DPH6: variants seen among roughly 807,000 people sequenced by gnomAD.
DPH6 encodes diphthamine biosynthesis 6, also known as diphthine--ammonia ligase.
In DPH6, 33 loss-of-function variants were observed where a neutral mutation model predicts 38.2. That is an observed-to-expected ratio of 0.86 (90% CI 0.65 to 1.15). DPH6 has a LOEUF of 1.15. Among genes scored for constraint, DPH6 ranks in the 50% most tolerant of loss-of-function variants. The probability of loss-of-function intolerance (pLI) is 0.00; values close to 1 mark genes in which losing one functional copy is unlikely to be tolerated. For synonymous variants in DPH6, 108 were observed against 103.0 expected (o/e 1.05, Z -0.30); for missense variants, 325 against 320.0 (o/e 1.02, Z -0.12).
intron 3 of DPH6, among the ~76,000 whole-genome samples, chr15:35,304,294 T>C (rs1595468889): frequency 6.6e-6 from 1 of 152,132 alleles, no homozygotes; most frequent in East Asian, 1.9e-4. Flanking sequence ...AAGCCCAAGT[T>C]CCTTTCCAAT....
At chr15:35,182,815 A>G in the DPH6 span, among the ~76,000 whole-genome samples, 5 of 152,198 alleles carry the variant, frequency 3.3e-5, no homozygotes, top group Non-Finnish European at 5.9e-5. Context: ...CTTGGCTATA[A>G]TAATATAATG....
intron 3 of DPH6, among the ~76,000 whole-genome samples, chr15:35,479,755 A>G (rs1219562315): frequency 6.6e-6 from 1 of 151,784 alleles, no homozygotes; most frequent in East Asian, 1.9e-4. Flanking sequence ...TGATCACTAC[A>G]CTCTCTCTCT....
chr15:35,289,067 T>A (rs1002865394), intron 3 of DPH6, among the ~76,000 whole-genome samples: 3 of 152,208 alleles, frequency 2.0e-5, no homozygotes, highest in Admixed American at 2.0e-4. Context: ...TTTCTACTTA[T>A]TTTAAATGAA....
intron 3 of DPH6, among the ~76,000 whole-genome samples, chr15:35,305,789 T>C: frequency 6.6e-6 from 1 of 152,188 alleles, no homozygotes; most frequent in East Asian, 1.9e-4. Flanking sequence ...ATAATTACAT[T>C]AAAGTAGTAA....
chr15:35,210,101 G>T, the DPH6 span, among the ~76,000 whole-genome samples: 1 of 151,902 alleles, frequency 6.6e-6, no homozygotes, highest in Non-Finnish European at 1.5e-5. Context: ...GCTTTTGTTT[G>T]TATTCCACCA....
chr15:35,213,929 G>C (rs532278994), downstream of DPH6, among the ~76,000 whole-genome samples: 3 of 152,154 alleles, frequency 2.0e-5, no homozygotes, highest in Non-Finnish European at 4.4e-5. Flanking sequence ...TGGCTAACAC[G>C]GTGAAACCCC....
chr15:35,526,574 A>G (rs1280187414), intron 3 of DPH6, among the ~76,000 whole-genome samples: 1 of 152,148 alleles, frequency 6.6e-6, no homozygotes, highest in Non-Finnish European at 1.5e-5. Flanking sequence ...CAGGAGCACA[A>G]ATGATGGCCC....
Position 35,410,701 on chromosome 15 carries a change from A to AT in DPH6, c.567+133dup, listed in dbSNP as rs2053354666. On this transcript the variant is annotated intron_variant, in intron 6 of 8. Transcript: ENST00000256538. ...CATTTTCATTTCCATTTGAAGTTTA[A>AT]TTTTTTCATAAATATATTATGAATG... The AT allele has an allele frequency of 7.2e-6, 5 of 691,180 alleles. No individual in the cohort carries two copies. In the South Asian group the frequency reaches 7.3e-5, roughly 10 times the overall value. The allele number at this position is 691,180 out of a possible 1,614,324, so 42.8% of individuals were successfully genotyped here. A position where few individuals can be genotyped will look rare whatever the true frequency, so the allele number is the denominator to read the frequency against.
chr15:35,243,224 G>T lies in DPH6; in HGVS notation n.201-22642C>A, dbSNP rs2051612431. ...CCCACAATATCACCCCTTACCACAA[G>T]ATCTCCCTTCAGCTTAATCTCTCCC... On this transcript the variant is annotated intron_variant and non_coding_transcript_variant, in intron 3 of 3. Transcript: ENST00000560386. 1.4e-5 allele frequency among the ~76,000 whole-genome samples: 2 copies of T among 141,400 alleles called. 1 individual carries two copies. The highest frequency in any genetic ancestry group is 1.6e-4 in the Admixed American group (2 of 12,826). The allele number at this position is 141,400 out of a possible 152,430, so 92.8% of individuals were successfully genotyped here. A position where few individuals can be genotyped will look rare whatever the true frequency, so the allele number is the denominator to read the frequency against.
the DPH6 span, among the ~76,000 whole-genome samples, chr15:35,207,109 C>A: frequency 8.0e-6 from 1 of 125,618 alleles, no homozygotes; most frequent in Non-Finnish European, 1.6e-5. Context: ...TGCAGAGGTG[C>A]GATCATAGCT....
chr15:35,290,848 TTATAA>T (rs934191870), intron 3 of DPH6, among the ~76,000 whole-genome samples: 3 of 152,094 alleles, frequency 2.0e-5, no homozygotes, highest in African/African-American at 4.8e-5. Flanking sequence ...AAGTAACTAA[TTATAA>T]TATATTTTAG....
chr15:35,495,275 T>C (rs2054534637), intron 3 of DPH6, among the ~76,000 whole-genome samples: 2 of 151,956 alleles, frequency 1.3e-5, no homozygotes, highest in Non-Finnish European at 1.5e-5. Context: ...GAAGAGGAGA[T>C]TATAACACAG....
At chr15:35,199,823 C>A in the DPH6 span, among the ~76,000 whole-genome samples, 1 of 151,134 alleles carries the variant, frequency 6.6e-6, no homozygotes, top group Admixed American at 6.6e-5. Flanking sequence ...TAGGAGAGTG[C>A]ATATGTAATG....
chr15:35,306,095 G>A (rs1215354932), intron 3 of DPH6, among the ~76,000 whole-genome samples: 1 of 152,138 alleles, frequency 6.6e-6, no homozygotes. Context: ...TGATTGATGT[G>A]CTAGTCTGGT....
the DPH6 span, among the ~76,000 whole-genome samples, chr15:35,154,584 T>G: frequency 1.3e-5 from 2 of 152,222 alleles, no homozygotes; most frequent in Admixed American, 6.5e-5. Context: ...TAGCATTTGT[T>G]GCATATGAAA....
chr15:35,173,724 A>G, the DPH6 span, among the ~76,000 whole-genome samples: 2 of 152,210 alleles, frequency 1.3e-5, no homozygotes, highest in East Asian at 3.9e-4. Context: ...ATTAACAGCA[A>G]TTCTTTCAGC....
At chr15:35,467,566 GAACA>G (rs891414189) in intron 3 of DPH6, among the ~76,000 whole-genome samples, 4 of 151,872 alleles carry the variant, frequency 2.6e-5, no homozygotes, top group African/African-American at 9.7e-5. Context: ...ACTCCATCTC[GAACA>G]AACAAAGAAA....
Position 35,355,381 on chromosome 15 carries a change from C to T in DPH6, n.207+18140G>A, listed in dbSNP as rs184551576. Among the ~76,000 whole-genome samples, 269 of 152,252 alleles carry T rather than the reference C, an allele frequency of 1.8e-3. 1 individual carries two copies. Among genetic ancestry groups the T allele is most frequent in the East Asian group, 5.0e-3 (26 of 5,168 alleles). ...ATTTGATGCAGTTTCTTGCTAGCCT[C>T]GATGGTCTTTACAATTTGGCATGTT... is the stretch of plus-strand genomic sequence containing the variant. On this transcript the variant is annotated intron_variant and non_coding_transcript_variant, in intron 3 of 3. Coordinates refer to the DPH6 transcript ENST00000558973.
At chr15:35,283,332 T>C (rs527678062) in intron 3 of DPH6, among the ~76,000 whole-genome samples, 3 of 151,756 alleles carry the variant, frequency 2.0e-5, no homozygotes, top group African/African-American at 7.3e-5. Context: ...TGAGTCAGAG[T>C]CTCACTCTGT....
Sources: allele counts gnomAD v4.1 joint callset (sites outside exome capture counted in the v4.1 genomes callset), GRCh38; gene constraint gnomAD v4.1.1; transcripts MANE v1.5; gene names NCBI Gene and HGNC (gene_info 2026-07-23, HGNC 2026-07-21).